The following AASDHPPT variants were observed in gnomAD, a reference collection of about 807,000 sequenced individuals.
AASDHPPT encodes aminoadipate-semialdehyde dehydrogenase-phosphopantetheinyl transferase, also known as L-aminoadipate-semialdehyde dehydrogenase-phosphopantetheinyl transferase.
A neutral mutation model predicts 36.4 loss-of-function variants in AASDHPPT; 23 were observed. That is an observed-to-expected ratio of 0.63 (90% CI 0.45 to 0.89). The LOEUF is 0.89. Among genes scored for constraint, AASDHPPT ranks in the 40% least tolerant of loss-of-function variants. The pLI, the probability that AASDHPPT is intolerant of heterozygous loss-of-function variation, is 0.00. For synonymous variants in AASDHPPT, 115 were observed against 128.0 expected (o/e 0.90, Z 0.68); for missense variants, 377 against 378.2 (o/e 1.00, Z 0.03).
chr11:106,086,695 T>C (rs758609977), intron 2 of AASDHPPT, among the ~76,000 whole-genome samples: 7 of 152,156 alleles, frequency 4.6e-5, no homozygotes, highest in African/African-American at 7.2e-5. Context: ...ATCTCAATCA[T>C]CTAAATCAGC....
chr11:106,082,730 C>T (rs1220536068), intron 2 of AASDHPPT, among the ~76,000 whole-genome samples: 7 of 152,082 alleles, frequency 4.6e-5, no homozygotes, highest in Admixed American at 1.3e-4. Context: ...TATGCCAGGA[C>T]GGTACATTCT....
At chr11:106,089,410 G>A (rs1861232065) in intron 2 of AASDHPPT, 1 of 151,916 alleles carries the variant, frequency 6.6e-6, no homozygotes, top group African/African-American at 2.4e-5. Flanking sequence ...AGGTTTTCTG[G>A]AAAATAATGT....
chr11:106,096,939 CTGTT>C lies in AASDHPPT; in HGVS notation c.*36_*39del, dbSNP rs753886943. 15 of 1,559,612 alleles carry C rather than the reference CTGTT, an allele frequency of 9.6e-6. No individual in the cohort carries two copies. Among genetic ancestry groups the C allele is most frequent in the African/African-American group, 7.0e-5 (5 of 71,736 alleles). On this transcript the variant is annotated 3_prime_UTR_variant, in exon 6 of 6. Coordinates refer to ENST00000278618, the MANE Select transcript of AASDHPPT (RefSeq NM_015423.3). ...CCTGAGTAACAAAGGGAAATGAAAA[CTGTT>C]TGTGATCTTCCGTATTCACTGAAAA...
intron 4 of AASDHPPT, chr11:106,092,038 T>A (rs1861261562): frequency 6.6e-6 from 1 of 152,208 alleles, no homozygotes; most frequent in Admixed American, 6.6e-5. Flanking sequence ...TCTCTACATT[T>A]TGGCTTCAGT....
At chr11:106,080,366 CT>C (rs1861126079) in intron 2 of AASDHPPT, among the ~76,000 whole-genome samples, 1 of 152,096 alleles carries the variant, frequency 6.6e-6, no homozygotes, top group African/African-American at 2.4e-5. Context: ...AAATACATCT[CT>C]TTTTAGCCCA....
At chr11:106,079,036 A>G (rs1441888817) in intron 1 of AASDHPPT, among the ~76,000 whole-genome samples, 1 of 152,224 alleles carries the variant, frequency 6.6e-6, no homozygotes, top group African/African-American at 2.4e-5. Flanking sequence ...AAATAATATT[A>G]TGAAATATGC....
chr11:106,096,695 A>C, intron 5 of AASDHPPT, 48 bp from the exon 6 acceptor site: 1 of 1,411,808 alleles, frequency 7.1e-7, no homozygotes, highest in Non-Finnish European at 9.5e-7. Context: ...ATTGATCATA[A>C]GATTAACATG....
intron 5 of AASDHPPT, chr11:106,095,869 G>A (rs1006242393): frequency 1.3e-5 from 2 of 152,106 alleles, no homozygotes; most frequent in Non-Finnish European, 2.9e-5. Context: ...AATACCTTTT[G>A]TTTTCATAGA....
At chr11:106,090,845 A>G (rs1423928816) in intron 3 of AASDHPPT, among the ~76,000 whole-genome samples, 167 bp downstream of exon 3, 1 of 152,132 alleles carries the variant, frequency 6.6e-6, no homozygotes, top group South Asian at 2.1e-4. Context: ...CATTATAATG[A>G]CATTTCATTT....
rs993868756 is a variant in AASDHPPT, at chr11:106,097,852, C to G, written c.*945C>G. 1.3e-5 allele frequency: 2 copies of G among 152,098 alleles called. No individual in the cohort carries two copies. Among genetic ancestry groups the G allele is most frequent in the Non-Finnish European group, 2.9e-5 (2 of 67,994 alleles). The allele number at this position is 152,098 out of a possible 1,614,324, so 9.4% of individuals were successfully genotyped here. A position where few individuals can be genotyped will look rare whatever the true frequency, so the allele number is the denominator to read the frequency against. On this transcript the variant is annotated 3_prime_UTR_variant, in exon 6 of 6. Coordinates refer to ENST00000278618, the MANE Select transcript of AASDHPPT (RefSeq NM_015423.3). ...TAGGTGTGAAGAATGGAATTGGAAG[C>G]CCACTGCCTTCCCATAAGAAAGGTT...
At chr11:106,094,757 ATT>A in intron 5 of AASDHPPT, 103 bp downstream of exon 5, 1 of 840,772 alleles carries the variant, frequency 1.2e-6, no homozygotes, top group Non-Finnish European at 1.8e-6. Context: ...GTTTAGAGAG[ATT>A]TTTTTAAGAT....
At chr11:106,094,731 C>A (rs1292743330) in intron 5 of AASDHPPT, 77 bp downstream of exon 5, 2 of 1,144,920 alleles carry the variant, frequency 1.7e-6, no homozygotes, top group African/African-American at 1.6e-5. Context: ...TGGAAATAGT[C>A]ATTTGCCTTA....
At chr11:106,083,542 A>G (rs981308459) in intron 2 of AASDHPPT, among the ~76,000 whole-genome samples, 5 of 152,214 alleles carry the variant, frequency 3.3e-5, no homozygotes, top group African/African-American at 1.2e-4. Flanking sequence ...TATGAAAAAT[A>G]TAGTAAGGGT....
chr11:106,091,600 A>C (rs755764194), intron 4 of AASDHPPT, 123 bp downstream of exon 4: 1 of 952,824 alleles, frequency 1.0e-6, no homozygotes, highest in Non-Finnish European at 1.5e-6. Flanking sequence ...TGCTGCTCTG[A>C]AAGTGAAATC....
At chr11:106,086,029 G>A (rs529563914) in intron 2 of AASDHPPT, 1 of 152,338 alleles carries the variant, frequency 6.6e-6, no homozygotes, top group East Asian at 1.9e-4. Context: ...ACATTTGACT[G>A]CAGGGACATA....
At chr11:106,079,280 G>T (rs1317693721) in intron 1 of AASDHPPT, among the ~76,000 whole-genome samples, 187 bp from the exon 2 acceptor site, 2 of 152,150 alleles carry the variant, frequency 1.3e-5, no homozygotes, top group Non-Finnish European at 2.9e-5. Flanking sequence ...AATTGCTAAG[G>T]CGGGCTTTAA....
chr11:106,080,830 T>C (rs1861131047), intron 2 of AASDHPPT, among the ~76,000 whole-genome samples: 2 of 152,342 alleles, frequency 1.3e-5, no homozygotes, highest in South Asian at 4.1e-4. Flanking sequence ...ATTAATTTTA[T>C]CTCTCACTCC....
At chr11:106,089,997 T>C (rs1442297336) in intron 2 of AASDHPPT, among the ~76,000 whole-genome samples, 2 of 151,836 alleles carry the variant, frequency 1.3e-5, no homozygotes, top group Non-Finnish European at 2.9e-5. Flanking sequence ...GAAGAAGGTA[T>C]TAATTTTTTA....
At position 106,098,118 on chromosome 11, in the gene AASDHPPT, C is replaced by T. The variant is rs1198687406; in HGVS notation, c.*1211C>T. On this transcript the variant is annotated 3_prime_UTR_variant, in exon 6 of 6. Coordinates refer to ENST00000278618, the MANE Select transcript of AASDHPPT (RefSeq NM_015423.3). ...CTTCCCTCCCCCTGCCAGAATACTC[C>T]TTGGTCAATTGTAGGTATTCTTTTT... is the stretch of plus-strand genomic sequence containing the variant. The T allele has an allele frequency of 6.6e-6, 1 of 152,144 alleles. No individual in the cohort carries two copies. Among genetic ancestry groups the T allele is most frequent in the East Asian group, 1.9e-4 (1 of 5,178 alleles). The allele number at this position is 152,144 out of a possible 1,614,324, so 9.4% of individuals were successfully genotyped here.
Sources: gnomAD v4.1 joint callset for allele counts (sites outside exome capture counted in the v4.1 genomes callset) on GRCh38, gnomAD v4.1.1 for gene constraint, MANE v1.5 for transcripts, NCBI Gene and HGNC (gene_info 2026-07-23, HGNC 2026-07-21) for gene names.